Variants in LYZL4 observed in about 807,000 individuals in gnomAD.
LYZL4 encodes the protein lysozyme like 4.
A neutral mutation model predicts 17.6 loss-of-function variants in LYZL4; 13 were observed. The ratio of observed to expected loss-of-function variants is 0.74; its 90% confidence interval spans 0.48 to 1.18. The LOEUF (loss-of-function observed/expected upper bound fraction) is 1.18. LYZL4 is among the 50% of genes most tolerant of loss of function. The pLI is 0.00. For missense variants in LYZL4, 174 were observed against 188.2 expected, an observed-to-expected ratio of 0.92 and a Z score of 0.44; for synonymous variants, 64 against 67.7, an observed-to-expected ratio of 0.95 and a Z score of 0.27.
At chr3:42,378,513 C>A in the LYZL4 span, among the ~76,000 whole-genome samples, 8 of 152,174 alleles carry the variant, frequency 5.3e-5, no homozygotes, top group Non-Finnish European at 1.0e-4. Flanking sequence ...GCTGGTCTGT[C>A]CCCAAGTCTC....
downstream of LYZL4, chr3:42,396,984 A>C: frequency 4.0e-6 from 1 of 247,778 alleles, no homozygotes. Context: ...CCTTCCTTCA[A>C]TTCCTCCATA....
the LYZL4 span, among the ~76,000 whole-genome samples, chr3:42,391,432 AAG>A: frequency 6.6e-6 from 1 of 152,166 alleles, no homozygotes; most frequent in Non-Finnish European, 1.5e-5. Flanking sequence ...AGTGACCAGA[AAG>A]AGGGGAGACA....
chr3:42,391,704 C>T, the LYZL4 span, among the ~76,000 whole-genome samples: 5 of 151,830 alleles, frequency 3.3e-5, no homozygotes, highest in African/African-American at 9.7e-5. Flanking sequence ...AATCAGAAGC[C>T]GAGAGAGATT....
intron 3 of LYZL4, among the ~76,000 whole-genome samples, chr3:42,405,110 G>A (rs893100845): frequency 9.9e-5 from 15 of 151,882 alleles, no homozygotes; most frequent in Non-Finnish European, 1.9e-4. Flanking sequence ...GTACTGTGGC[G>A]CGATCTGGGC....
the LYZL4 span, among the ~76,000 whole-genome samples, chr3:42,378,030 G>C: frequency 2.6e-5 from 4 of 152,192 alleles, no homozygotes; most frequent in Non-Finnish European, 1.5e-5. Context: ...GGATGGCCAA[G>C]GGGGTGGGTA....
chr3:42,368,130 C>T, the LYZL4 span, among the ~76,000 whole-genome samples: 1 of 152,214 alleles, frequency 6.6e-6, no homozygotes, highest in Non-Finnish European at 1.5e-5. Context: ...GACACTCTTT[C>T]TTAACCATTA....
chr3:42,361,154 A>G, the LYZL4 span, among the ~76,000 whole-genome samples: 1 of 152,176 alleles, frequency 6.6e-6, no homozygotes, highest in South Asian at 2.1e-4. Flanking sequence ...AAGCAAATGA[A>G]TATGTGTATG....
the LYZL4 span, among the ~76,000 whole-genome samples, chr3:42,373,150 G>T: frequency 6.6e-6 from 1 of 152,188 alleles, no homozygotes; most frequent in Non-Finnish European, 1.5e-5. Context: ...GGCAGAGGTT[G>T]CAGTGAGCTG....
At chr3:42,399,619 A>G (rs1386427408) in intron 4 of LYZL4, among the ~76,000 whole-genome samples, 1 of 152,186 alleles carries the variant, frequency 6.6e-6, no homozygotes, top group East Asian at 1.9e-4. Flanking sequence ...GTGTTTTAAA[A>G]TATCTGTGGG....
At chr3:42,392,865 G>GAGGCA (rs1698503189), downstream of LYZL4, among the ~76,000 whole-genome samples, 1 of 152,156 alleles carries the variant, frequency 6.6e-6, no homozygotes, top group Non-Finnish European at 1.5e-5. Flanking sequence ...TAAGGTGGTG[G>GAGGCA]AGTTACTAGT....
At chr3:42,406,475 A>G (rs1210221230) in intron 3 of LYZL4, among the ~76,000 whole-genome samples, 12 of 130,034 alleles carry the variant, frequency 9.2e-5, no homozygotes, top group Admixed American at 8.3e-4. Flanking sequence ...AAAAAAAAAA[A>G]AAAAAGAAAG....
the LYZL4 span, among the ~76,000 whole-genome samples, chr3:42,378,167 A>G: frequency 6.6e-6 from 1 of 152,142 alleles, no homozygotes; most frequent in African/African-American, 2.4e-5. Context: ...CCCAACAGGA[A>G]GTGTTGAGAT....
chr3:42,385,860 T>C, the LYZL4 span, among the ~76,000 whole-genome samples: 2 of 152,174 alleles, frequency 1.3e-5, no homozygotes, highest in South Asian at 4.1e-4. Flanking sequence ...CACAATTGTG[T>C]TGGTTTCTAT....
At chr3:42,403,199 T>TG (rs1178754427) in intron 4 of LYZL4, among the ~76,000 whole-genome samples, 5 of 150,394 alleles carry the variant, frequency 3.3e-5, no homozygotes, top group African/African-American at 4.9e-5. Flanking sequence ...ATAACAAACA[T>TG]GGGGGGAAAC....
At chr3:42,393,613 C>T (rs1276403719), downstream of LYZL4, among the ~76,000 whole-genome samples, 1 of 152,158 alleles carries the variant, frequency 6.6e-6, no homozygotes, top group African/African-American at 2.4e-5. Flanking sequence ...CTGTGACTTC[C>T]GACATTTTCC....
the LYZL4 span, among the ~76,000 whole-genome samples, chr3:42,387,420 A>G: frequency 6.6e-6 from 1 of 152,236 alleles, no homozygotes; most frequent in Non-Finnish European, 1.5e-5. Flanking sequence ...AAGAGAAGAT[A>G]GGACATGTAT....
rs1368167234 is a variant in LYZL4, at chr3:42,407,189, G to T, written c.63C>A (p.Ile21=). 4 of 1,614,178 alleles carry T rather than the reference G, an allele frequency of 2.5e-6. No individual in the cohort carries two copies. In the South Asian group the frequency reaches 4.4e-5, roughly 18 times the overall value. ...TCTTAGCCACTGTGCAACGCCCCAA[G>T]ATGTAAGCACCACTTGGAACCACCA... The part of the protein sequence containing the change: ...GYLVVPSGAY[I]LGRCTVAKKL... Residue 21 remains isoleucine (I), a synonymous_variant, in exon 2 of 5, where the codon ATC becomes ATA. Coordinates refer to ENST00000287748, the MANE Select transcript of LYZL4 (RefSeq NM_144634.4).
the LYZL4 span, among the ~76,000 whole-genome samples, chr3:42,383,730 A>G: frequency 6.6e-6 from 1 of 152,166 alleles, no homozygotes; most frequent in Non-Finnish European, 1.5e-5. Context: ...TTCAGAGAGC[A>G]AAGAAAGCCC....
At chr3:42,375,727 C>T in the LYZL4 span, among the ~76,000 whole-genome samples, 1 of 152,156 alleles carries the variant, frequency 6.6e-6, no homozygotes, top group African/African-American at 2.4e-5. Context: ...GGAATATGCT[C>T]ATCAGAGTTC....
Sources: allele counts gnomAD v4.1 joint callset (sites outside exome capture counted in the v4.1 genomes callset), GRCh38; gene constraint gnomAD v4.1.1; transcripts MANE v1.5; gene names NCBI Gene and HGNC (gene_info 2026-07-23, HGNC 2026-07-21).